Variants in TOM1 observed in about 807,000 individuals in gnomAD.
TOM1 encodes the protein target of Myb protein 1.
A neutral mutation model predicts 61.3 loss-of-function variants in TOM1; 38 were observed. The observed-to-expected ratio is 0.62, with a 90% CI of 0.48 to 0.81. TOM1 has a LOEUF of 0.81. TOM1 is among the 40% of genes least tolerant of loss of function. The pLI is 0.00. For missense variants in TOM1, 591 were observed against 659.6 expected (o/e 0.90, Z 1.14); for synonymous variants, 270 against 268.8 (o/e 1.00, Z -0.04).
At chr22:35,335,247 G>A (rs1452143813) in intron 11 of TOM1, among the ~76,000 whole-genome samples, 4 of 152,148 alleles carry the variant, frequency 2.6e-5, no homozygotes, top group African/African-American at 9.7e-5. Flanking sequence ...CTAGATTATG[G>A]GATCTTCCCA....
intron 12 of TOM1, among the ~76,000 whole-genome samples, chr22:35,343,853 C>A (rs1027233252): frequency 1.3e-5 from 2 of 149,028 alleles, no homozygotes; most frequent in African/African-American, 4.9e-5. Flanking sequence ...TACATACACA[C>A]CCCTGCATAT....
chr22:35,320,032 T>C (rs971480569), intron 2 of TOM1, among the ~76,000 whole-genome samples: 6 of 152,186 alleles, frequency 3.9e-5, no homozygotes, highest in Non-Finnish European at 8.8e-5. Context: ...GACAGCCGGA[T>C]GGGTCCCAGT....
intron 2 of TOM1, among the ~76,000 whole-genome samples, chr22:35,321,477 C>T (rs375837120): frequency 1.6e-4 from 24 of 152,214 alleles, no homozygotes; most frequent in African/African-American, 5.8e-4. Context: ...CGGCTCACTG[C>T]AACCTCTGCC....
chr22:35,337,612 C>A (rs1307545715), intron 11 of TOM1, among the ~76,000 whole-genome samples: 1 of 152,248 alleles, frequency 6.6e-6, no homozygotes, highest in Non-Finnish European at 1.5e-5. Flanking sequence ...ATTCAAGAAG[C>A]CCCTTTCAGT....
At chr22:35,306,957 G>T (rs1189946868) in intron 1 of TOM1, among the ~76,000 whole-genome samples, 2 of 152,084 alleles carry the variant, frequency 1.3e-5, no homozygotes, top group African/African-American at 4.8e-5. Flanking sequence ...GATAGAACTG[G>T]TGAATAGGTT....
chr22:35,299,880 G>T, upstream of TOM1: 1 of 1,559,018 alleles, frequency 6.4e-7, no homozygotes, highest in Non-Finnish European at 8.7e-7. Context: ...TGGCGCTGGC[G>T]GTTGCTGTCA....
At position 35,343,124 on chromosome 22, in the gene TOM1, CCACA is replaced by C. The variant is rs1166673154; in HGVS notation, c.1225-2592_1225-2589del. On this transcript the variant is annotated intron_variant, in intron 12 of 14. Coordinates refer to ENST00000449058, the MANE Select transcript of TOM1 (RefSeq NM_005488.3). ...CATACACCACACACACCCACACACA[CCACA>C]CACACACATCTACACCCACCACACA... Among the ~76,000 whole-genome samples, 26 of 129,978 alleles carry C rather than the reference CCACA, an allele frequency of 2.0e-4. No homozygotes were observed. In the South Asian group the frequency reaches 5.0e-3, roughly 25 times the overall value. 85.3% of individuals were successfully genotyped at this position (129,978 alleles called of 152,430 possible).
chr22:35,320,308 C>T (rs936542846), intron 2 of TOM1, among the ~76,000 whole-genome samples: 1 of 152,154 alleles, frequency 6.6e-6, no homozygotes, highest in African/African-American at 2.4e-5. Context: ...AGTGGGGGCC[C>T]TGCACAAAGG....
At chr22:35,299,680 GC>G (rs3215443), upstream of TOM1, 315,469 of 540,560 alleles carry the variant, frequency 0.58, 98,270 homozygotes, top group Non-Finnish European at 0.65. Flanking sequence ...CGCTTCCCGG[GC>G]CCCGACCCCA....
chr22:35,341,129 A>C (rs1929844581), intron 12 of TOM1, among the ~76,000 whole-genome samples: 1 of 152,240 alleles, frequency 6.6e-6, no homozygotes, highest in Non-Finnish European at 1.5e-5. Flanking sequence ...CCAGGCCTGC[A>C]CTAAGCACTT....
intron 2 of TOM1, chr22:35,318,330 T>G (rs780757860): frequency 5.2e-5 from 14 of 267,156 alleles, no homozygotes; most frequent in Admixed American, 9.7e-5. Context: ...GAGTGTGTAC[T>G]AGAGAGACTC....
chr22:35,346,885 T>G, intron 13 of TOM1, 45 bp from the exon 14 acceptor site: 1 of 1,593,272 alleles, frequency 6.3e-7, no homozygotes, highest in Non-Finnish European at 8.6e-7. Flanking sequence ...CTGACCGTAC[T>G]GGGGGCCCGG....
rs1164341079 is a variant in TOM1, at chr22:35,345,739, G to A, written c.1239G>A (p.Gln413=). 2 of 1,614,050 alleles carry A rather than the reference G, an allele frequency of 1.2e-6. No homozygotes were observed. The highest frequency in any genetic ancestry group is 1.7e-6 in the Non-Finnish European group (2 of 1,180,024). ...QQSTGAIPVT[Q]ACLMEDIEQW... ...CTTCCTTCCAGATCCCAGTCACCCA[G>A]GCCTGCCTCATGGAGGACATCGAGC... Residue 413 remains glutamine, a synonymous_variant, in exon 13 of 15, where the codon CAG becomes CAA. Coordinates refer to ENST00000449058, the MANE Select transcript of TOM1 (RefSeq NM_005488.3).
At chr22:35,345,667 G>A in intron 12 of TOM1, 58 bp from the exon 13 acceptor site, 1 of 1,575,680 alleles carries the variant, frequency 6.3e-7, no homozygotes, top group African/African-American at 1.3e-5. Context: ...GTGCTGAGCT[G>A]GCACGTCTTC....
At chr22:35,328,066 T>C (rs1034705372) in intron 7 of TOM1, among the ~76,000 whole-genome samples, 2 of 152,226 alleles carry the variant, frequency 1.3e-5, no homozygotes, top group Non-Finnish European at 2.9e-5. Flanking sequence ...TTCGTGTAAC[T>C]GTTCGAGTTC....
Position 35,347,237 on chromosome 22 carries a change from G to C in TOM1, c.*28G>C. The C allele has an allele frequency of 6.4e-7, 1 of 1,569,726 alleles. No homozygotes were observed. Among genetic ancestry groups the C allele is most frequent in the Non-Finnish European group, 8.7e-7 (1 of 1,155,352 alleles). On this transcript the variant is annotated 3_prime_UTR_variant, in exon 15 of 15. Transcript: ENST00000449058. ...GTGGGGTCTGGCACCCTGCAGCCCA[G>C]GTCCCCACTGCTCTCACACCCTTAG... is the stretch of plus-strand genomic sequence containing the variant.
At chr22:35,343,821 T>C (rs1930247825) in intron 12 of TOM1, among the ~76,000 whole-genome samples, 1 of 128,412 alleles carries the variant, frequency 7.8e-6, no homozygotes, top group Non-Finnish European at 1.6e-5. Context: ...CACCTACACA[T>C]ACACACCTAC....
At chr22:35,346,843 C>T (rs953486351) in intron 13 of TOM1, 87 bp from the exon 14 acceptor site, 20 of 1,296,368 alleles carry the variant, frequency 1.5e-5, no homozygotes, top group African/African-American at 7.4e-5. Flanking sequence ...TGAGGTTCAG[C>T]GGGGCCCGAG....
chr22:35,332,362 G>T (rs546426543), intron 8 of TOM1, among the ~76,000 whole-genome samples: 1 of 152,142 alleles, frequency 6.6e-6, no homozygotes, highest in East Asian at 1.9e-4. Context: ...TCCTAATTTG[G>T]GCTTCAGCAC....
Sources: gnomAD v4.1 joint callset for allele counts (sites outside exome capture counted in the v4.1 genomes callset) on GRCh38, gnomAD v4.1.1 for gene constraint, MANE v1.5 for transcripts, NCBI Gene and HGNC (gene_info 2026-07-23, HGNC 2026-07-21) for gene names.